DLG2: variants seen among roughly 807,000 people sequenced by gnomAD.
DLG2 encodes discs large MAGUK scaffold protein 2, also known as disks large homolog 2.
In DLG2, 45 loss-of-function variants were observed where a neutral mutation model predicts 132.5. That is an observed-to-expected ratio of 0.34 (90% CI 0.27 to 0.44). The LOEUF (loss-of-function observed/expected upper bound fraction) is 0.44, where lower values mean the gene tolerates loss of function less well. Ranked by LOEUF, DLG2 falls within the 20% of genes least tolerant of loss-of-function variation. The pLI, the probability that DLG2 is intolerant of heterozygous loss-of-function variation, is 1.00. For missense variants in DLG2, 1,045 were observed against 1,196.9 expected, an observed-to-expected ratio of 0.87 and a Z score of 1.87; for synonymous variants, 424 against 419.6, an observed-to-expected ratio of 1.01 and a Z score of -0.13.
chr11:85,429,814 T>C (rs1313367548), intron 3 of DLG2, among the ~76,000 whole-genome samples: 1 of 152,170 alleles, frequency 6.6e-6, no homozygotes, highest in East Asian at 1.9e-4. Context: ...TCCTCAGGGA[T>C]CTAGAACTAG....
intron 18 of DLG2, among the ~76,000 whole-genome samples, chr11:83,670,820 G>C (rs934855538): frequency 6.6e-6 from 1 of 152,040 alleles, no homozygotes; most frequent in Non-Finnish European, 1.5e-5. Context: ...GGGAATCTAA[G>C]TAAATTGATA....
At position 83,680,895 on chromosome 11, in the gene DLG2, CA is replaced by C. The variant is rs566029664; in HGVS notation, c.1826-47571del. On this transcript the variant is annotated intron_variant, in intron 18 of 27. Transcript: ENST00000376104. The stretch of plus-strand genomic sequence containing the variant: ...AAGTCTTTGGTGAAAAAAATGCATA[CA>C]TTTTTTTCAAAGAGATGCTAAAATG... Among the ~76,000 whole-genome samples the C allele has an allele frequency of 2.4e-3, 324 of 137,284 alleles. 2 individuals are homozygous for C. The highest frequency in any genetic ancestry group is 7.7e-3 in the African/African-American group (303 of 39,328). 90.1% of individuals were successfully genotyped at this position (137,284 alleles called of 152,430 possible). A position where few individuals can be genotyped will look rare whatever the true frequency, so the allele number is the denominator to read the frequency against.
intron 6 of DLG2, among the ~76,000 whole-genome samples, chr11:84,616,163 G>C (rs2099604107): frequency 6.6e-6 from 1 of 152,038 alleles, no homozygotes; most frequent in South Asian, 2.1e-4. Flanking sequence ...GCACAAGAAA[G>C]AATCAGCAAG....
chr11:84,920,623 T>C (rs964610362), intron 6 of DLG2, among the ~76,000 whole-genome samples: 2 of 152,160 alleles, frequency 1.3e-5, no homozygotes, highest in Non-Finnish European at 2.9e-5. Flanking sequence ...GACTCTAACA[T>C]AGTGCATAAA....
intron 11 of DLG2, among the ~76,000 whole-genome samples, chr11:84,023,611 T>C (rs958860557): frequency 2.0e-5 from 3 of 152,176 alleles, no homozygotes; most frequent in African/African-American, 7.2e-5. Flanking sequence ...TATATGCAGA[T>C]GGTTTCTCAA....
intron 4 of DLG2, among the ~76,000 whole-genome samples, chr11:85,171,610 T>C (rs1273972532): frequency 1.3e-5 from 2 of 152,120 alleles, no homozygotes; most frequent in Non-Finnish European, 2.9e-5. Context: ...TTAAGTGGCT[T>C]CATTCTGTGG....
chr11:85,293,811 C>T (rs1458986286), intron 3 of DLG2, among the ~76,000 whole-genome samples: 1 of 152,086 alleles, frequency 6.6e-6, no homozygotes, highest in Non-Finnish European at 1.5e-5. Context: ...TGTTAAATTT[C>T]CTGATTTTGA....
chr11:85,409,210 G>C (rs1186424400), intron 3 of DLG2, among the ~76,000 whole-genome samples: 1 of 151,778 alleles, frequency 6.6e-6, no homozygotes, highest in African/African-American at 2.4e-5. Context: ...AGACAAATAG[G>C]GTACAGAGTA....
rs141916513 is a variant in DLG2, at chr11:85,556,696, G to A, written c.40+41961C>T. 1.0e-3 allele frequency among the ~76,000 whole-genome samples: 159 copies of A among 151,824 alleles called. 4 individuals are homozygous for A. The highest frequency in any genetic ancestry group is 2.0e-3 in the Non-Finnish European group (135 of 67,848). On this transcript the variant is annotated intron_variant, in intron 3 of 27. Coordinates refer to ENST00000376104, the MANE Select transcript of DLG2 (RefSeq NM_001142699.3). ...GATGTGGCAGCAGATGTAATGAATT[G>A]GACAAATCTTTTAAGCCCACCTATG...
intron 6 of DLG2, among the ~76,000 whole-genome samples, chr11:84,623,538 A>T (rs1236666941): frequency 6.6e-6 from 1 of 152,242 alleles, no homozygotes; most frequent in East Asian, 1.9e-4. Context: ...AGATGAAGGA[A>T]TGATTAGAGA....
chr11:84,085,672 G>A lies in DLG2; in HGVS notation c.749+13251C>T, dbSNP rs17146774. On this transcript the variant is annotated intron_variant, in intron 10 of 27. Coordinates refer to ENST00000376104, the MANE Select transcript of DLG2 (RefSeq NM_001142699.3). ...GAGCAGTACATCTTGTTAACTTTTA[G>A]TCTGGGCTGGAAGTTTAGATATAAA... is the stretch of plus-strand genomic sequence containing the variant. 4.7e-3 allele frequency among the ~76,000 whole-genome samples: 709 copies of A among 152,314 alleles called. 5 individuals carry two copies. Among genetic ancestry groups the A allele is most frequent in the African/African-American group, 0.016 (658 of 41,556 alleles).
At chr11:84,841,219 T>C (rs1449450491) in intron 6 of DLG2, among the ~76,000 whole-genome samples, 3 of 151,962 alleles carry the variant, frequency 2.0e-5, no homozygotes, top group South Asian at 2.1e-4. Flanking sequence ...GATACATAGC[T>C]GTACCAAGAG....
At chr11:84,348,607 G>A (rs1281100575) in intron 7 of DLG2, among the ~76,000 whole-genome samples, 1 of 152,146 alleles carries the variant, frequency 6.6e-6, no homozygotes, top group Admixed American at 6.5e-5. Flanking sequence ...TGGCACACAT[G>A]GTGTATGGGT....
chr11:84,726,167 CAGTTTTGTTACAT>C (rs1443247345), intron 6 of DLG2, among the ~76,000 whole-genome samples: 1 of 151,968 alleles, frequency 6.6e-6, no homozygotes, highest in African/African-American at 2.4e-5. Context: ...GCAGAATGTG[CAGTTTTGTTACAT>C]AGGTATACAC....
intron 19 of DLG2, among the ~76,000 whole-genome samples, chr11:83,617,814 T>C (rs774071477): frequency 2.6e-5 from 4 of 152,116 alleles, no homozygotes; most frequent in Non-Finnish European, 5.9e-5. Flanking sequence ...CTGACCAACA[T>C]GGTGAAACTC....
chr11:85,238,870 T>C (rs1339822693), intron 4 of DLG2, among the ~76,000 whole-genome samples: 1 of 151,946 alleles, frequency 6.6e-6, no homozygotes, highest in Non-Finnish European at 1.5e-5. Context: ...TACACTGAAT[T>C]CATTTATCTT....
At chr11:84,633,431 T>G (rs1485557197) in intron 6 of DLG2, among the ~76,000 whole-genome samples, 4 of 152,006 alleles carry the variant, frequency 2.6e-5, no homozygotes, top group African/African-American at 9.7e-5. Context: ...GCAACACAGG[T>G]TTCTGGGGCC....
chr11:83,477,700 A>G (rs1318279150), intron 22 of DLG2, among the ~76,000 whole-genome samples: 1 of 152,028 alleles, frequency 6.6e-6, no homozygotes, highest in African/African-American at 2.4e-5. Flanking sequence ...ATGGTAAAGT[A>G]TAACAGTGAA....
chr11:84,524,548 C>T lies in DLG2; in HGVS notation c.519+10022G>A, dbSNP rs768667198. On this transcript the variant is annotated intron_variant, in intron 7 of 27. Transcript: ENST00000376104. ...GCACAAGTCACAAATCTCTGCCAAA[C>T]CTTTATGTTTTTATTAACTAAGAGC... Among the ~76,000 whole-genome samples the T allele has an allele frequency of 4.6e-5, 7 of 152,192 alleles. No homozygotes were observed. In the South Asian group the frequency reaches 1.2e-3, roughly 27 times the overall value.
Sources: allele counts gnomAD v4.1 joint callset (sites outside exome capture counted in the v4.1 genomes callset), GRCh38; gene constraint gnomAD v4.1.1; transcripts MANE v1.5; gene names NCBI Gene and HGNC (gene_info 2026-07-23, HGNC 2026-07-21).